Variants in CLEC16A observed in about 807,000 individuals in gnomAD.
CLEC16A encodes C-type lectin domain containing 16A.
In CLEC16A, 51 loss-of-function variants were observed where a neutral mutation model predicts 109.5. The ratio of observed to expected loss-of-function variants is 0.47; its 90% confidence interval spans 0.37 to 0.59. The LOEUF (loss-of-function observed/expected upper bound fraction) is 0.59, where lower values mean the gene tolerates loss of function less well. CLEC16A is among the 20% of genes least tolerant of loss of function. The pLI is 0.00. For missense variants in CLEC16A, 1,339 were observed against 1,394.0 expected (o/e 0.96, Z 0.63); for synonymous variants, 673 against 564.2 (o/e 1.19, Z -2.73).
chr16:11,075,428 ATGTG>A lies in CLEC16A; in HGVS notation c.2116+14426_2116+14429del, dbSNP rs112426314. On this transcript the variant is annotated intron_variant, in intron 19 of 23. Coordinates refer to ENST00000409790, the MANE Select transcript of CLEC16A (RefSeq NM_015226.3). ...TGTGTGTGTCTGTGTGTGTGTGTGT[ATGTG>A]TGTGTGTGTGTGTGTGTGTTTTGAG... Among the ~76,000 whole-genome samples the A allele has an allele frequency of 1.9e-3, 201 of 107,996 alleles. 1 individual carries two copies. Among genetic ancestry groups the A allele is most frequent in the African/African-American group, 4.7e-3 (136 of 28,708 alleles). 70.8% of individuals were successfully genotyped at this position (107,996 alleles called of 152,430 possible). A position where few individuals can be genotyped will look rare whatever the true frequency, so the allele number is the denominator to read the frequency against.
At chr16:11,064,164 A>C (rs867700846) in intron 19 of CLEC16A, among the ~76,000 whole-genome samples, 1 of 152,198 alleles carries the variant, frequency 6.6e-6, no homozygotes, top group African/African-American at 2.4e-5. Flanking sequence ...CCACCCACAC[A>C]GTGTATTAAA....
intron 1 of CLEC16A, among the ~76,000 whole-genome samples, chr16:10,949,534 C>T (rs2041613757): frequency 6.6e-6 from 1 of 152,010 alleles, no homozygotes; most frequent in Non-Finnish European, 1.5e-5. Context: ...GCAGAACTCA[C>T]GTGGTTCAGC....
Position 11,179,042 on chromosome 16 carries a change from A to C in CLEC16A, c.*352A>C, listed in dbSNP as rs2068877683. The stretch of plus-strand genomic sequence containing the variant: ...TCTGTCATATGGCTCCTCTGTCACC[A>C]GCCCCAGTGTGCACAGAAGAATTGG... On this transcript the variant is annotated 3_prime_UTR_variant, in exon 24 of 24. Coordinates refer to ENST00000409790, the MANE Select transcript of CLEC16A (RefSeq NM_015226.3). 1 of 255,880 alleles carries C rather than the reference A, an allele frequency of 3.9e-6. No individual in the cohort carries two copies. Among genetic ancestry groups the C allele is most frequent in the Non-Finnish European group, 7.4e-6 (1 of 135,446 alleles). 15.9% of individuals were successfully genotyped at this position (255,880 alleles called of 1,614,324 possible).
chr16:11,092,537 A>G (rs2050373376), intron 19 of CLEC16A, among the ~76,000 whole-genome samples: 1 of 152,178 alleles, frequency 6.6e-6, no homozygotes, highest in African/African-American at 2.4e-5. Flanking sequence ...CTCAAAAACA[A>G]AAACACACAC....
At chr16:11,062,878 A>T (rs567305200) in intron 19 of CLEC16A, among the ~76,000 whole-genome samples, 95 of 141,114 alleles carry the variant, frequency 6.7e-4, no homozygotes, top group African/African-American at 2.3e-3. Flanking sequence ...CAAGGAGAGA[A>T]AGAGCTTGCT....
chr16:11,137,587 T>TAAA lies in CLEC16A; in HGVS notation c.2641+11463_2641+11465dup, dbSNP rs5815617. ...CTGGGTGACAGAGCGAGACTCCATCTAAAAAAAAAAAAAAAAAAAAAAAAG... is the reference window on the plus strand; with the variant it reads ...CTGGGTGACAGAGCGAGACTCCATCTAAAAAAAAAAAAAAAAAAAAAAAAAAAG... On this transcript the variant is annotated intron_variant, in intron 22 of 23. Transcript: ENST00000409790. 3.1e-3 allele frequency among the ~76,000 whole-genome samples: 186 copies of TAAA among 59,320 alleles called. 1 individual carries two copies. Among genetic ancestry groups the TAAA allele is most frequent in the Non-Finnish European group, 4.6e-3 (146 of 31,844 alleles). The allele number at this position is 59,320 out of a possible 152,430, so 38.9% of individuals were successfully genotyped here.
At chr16:11,177,780 T>TGAGGAG (rs976442784) in intron 23 of CLEC16A, among the ~76,000 whole-genome samples, 2 of 151,434 alleles carry the variant, frequency 1.3e-5, no homozygotes, top group African/African-American at 4.8e-5. Context: ...CTCAGCACTT[T>TGAGGAG]GAGGAGGAGG....
intron 1 of CLEC16A, among the ~76,000 whole-genome samples, chr16:10,946,818 A>C (rs952299580): frequency 2.0e-5 from 3 of 152,084 alleles, no homozygotes; most frequent in African/African-American, 7.2e-5. Flanking sequence ...TATTGTTTCC[A>C]TTTTACGGAA....
At chr16:11,160,746 C>T (rs1180747381) in intron 22 of CLEC16A, among the ~76,000 whole-genome samples, 1 of 152,190 alleles carries the variant, frequency 6.6e-6, no homozygotes, top group Non-Finnish European at 1.5e-5. Flanking sequence ...GTAAAAGAAG[C>T]CTTGTAGTCA....
chr16:11,046,276 C>G (rs1042561004), intron 16 of CLEC16A, among the ~76,000 whole-genome samples: 2 of 152,126 alleles, frequency 1.3e-5, no homozygotes, highest in African/African-American at 4.8e-5. Context: ...TCTCCCAACC[C>G]AGATTTTTCT....
intron 19 of CLEC16A, among the ~76,000 whole-genome samples, chr16:11,074,099 C>G (rs1397138094): frequency 1.3e-5 from 2 of 152,218 alleles, no homozygotes; most frequent in Non-Finnish European, 2.9e-5. Flanking sequence ...AACGTTTGAG[C>G]TACCCCAAAT....
At chr16:11,016,862 G>A (rs933833729) in intron 11 of CLEC16A, among the ~76,000 whole-genome samples, 3 of 152,154 alleles carry the variant, frequency 2.0e-5, no homozygotes, top group Non-Finnish European at 4.4e-5. Flanking sequence ...AGAAAGCACT[G>A]TTGGCTCCCA....
At chr16:11,084,829 CTG>C (rs1227960582) in intron 19 of CLEC16A, among the ~76,000 whole-genome samples, 1 of 152,178 alleles carries the variant, frequency 6.6e-6, no homozygotes, top group East Asian at 1.9e-4. Flanking sequence ...CTCGAAGACA[CTG>C]TGGAGAAAGA....
intron 18 of CLEC16A, among the ~76,000 whole-genome samples, chr16:11,052,592 C>T (rs2048006486): frequency 6.6e-6 from 1 of 152,172 alleles, no homozygotes; most frequent in Admixed American, 6.5e-5. Context: ...CCGCAGGACC[C>T]ACCCTGTCCG....
At chr16:11,019,769 C>CA (rs59863035) in intron 11 of CLEC16A, among the ~76,000 whole-genome samples, 6,156 of 80,786 alleles carry the variant, frequency 0.076, 194 homozygotes, top group Admixed American at 0.091. Flanking sequence ...GACTCTGTCT[C>CA]AAAAAAAAAA....
chr16:11,163,848 G>A (rs1320228228), intron 22 of CLEC16A, among the ~76,000 whole-genome samples: 1 of 152,146 alleles, frequency 6.6e-6, no homozygotes, highest in Non-Finnish European at 1.5e-5. Flanking sequence ...TCATGGCCCT[G>A]ATAAATAGGC....
chr16:11,026,939 G>A lies in CLEC16A; in HGVS notation c.1537+2018G>A, dbSNP rs539629571. 1.5e-4 allele frequency: 178 copies of A among 1,162,556 alleles called. No homozygotes were observed. In the African/African-American group the frequency reaches 2.3e-3, roughly 15 times the overall value. The allele number at this position is 1,162,556 out of a possible 1,614,324, so 72.0% of individuals were successfully genotyped here. ...TCCTCCAGCGTGAGCTAGAACAGACGTCTCTATGGTCAAGTAAACAGCGCG... is the reference window on the plus strand; with the variant it reads ...TCCTCCAGCGTGAGCTAGAACAGACATCTCTATGGTCAAGTAAACAGCGCG... On this transcript the variant is annotated intron_variant, in intron 13 of 23. Transcript: ENST00000409790.
chr16:11,116,325 G>T (rs1261586332), intron 19 of CLEC16A, among the ~76,000 whole-genome samples: 1 of 152,206 alleles, frequency 6.6e-6, no homozygotes, highest in East Asian at 1.9e-4. Context: ...AACCCAGGAG[G>T]CAGAGGTTGC....
chr16:11,118,438 C>T (rs966159773), intron 19 of CLEC16A, among the ~76,000 whole-genome samples: 1 of 152,188 alleles, frequency 6.6e-6, no homozygotes, highest in African/African-American at 2.4e-5. Flanking sequence ...ACATCCAATG[C>T]CCATCCATGT....
Sources: allele counts gnomAD v4.1 joint callset (sites outside exome capture counted in the v4.1 genomes callset), GRCh38; gene constraint gnomAD v4.1.1; transcripts MANE v1.5; gene names NCBI Gene and HGNC (gene_info 2026-07-23, HGNC 2026-07-21).